The following DHX34 variants were observed in gnomAD, a reference collection of about 807,000 sequenced individuals.
DHX34 encodes probable ATP-dependent RNA helicase DHX34.
Under a neutral mutation model 111.1 loss-of-function variants are expected in DHX34, and 96 were observed. The observed-to-expected ratio is 0.86, with a 90% CI of 0.73 to 1.02. The LOEUF is 1.02. Among genes scored for constraint, DHX34 ranks in the 50% least tolerant of loss-of-function variants. DHX34 has a pLI of 0.00. For missense variants in DHX34, 1,560 were observed against 1,579.9 expected (o/e 0.99, Z 0.21); for synonymous variants, 688 against 670.4 (o/e 1.03, Z -0.41).
At position 47,372,890 on chromosome 19, in the gene DHX34, C is replaced by T; in HGVS notation, c.1929C>T (p.Phe643=). Residue 643 remains phenylalanine, a synonymous_variant, in exon 8 of 17, where the codon TTC becomes TTT. Coordinates refer to ENST00000328771, the MANE Select transcript of DHX34 (RefSeq NM_014681.6). ...TGGAGAGCGACCAGGGTGACCCCTT[C>T]ACGCTCTTCAACGTCTTCAACGCCT... The part of the protein sequence containing the change: ...RPLESDQGDP[F]TLFNVFNAWV... 2.5e-6 allele frequency: 4 copies of T among 1,607,386 alleles called. No homozygotes were observed. The highest frequency in any genetic ancestry group is 1.1e-5 in the South Asian group (1 of 90,992).
chr19:47,377,237 C>T, intron 13 of DHX34, 31 bp downstream of exon 13: 1 of 1,596,734 alleles, frequency 6.3e-7, no homozygotes, highest in Non-Finnish European at 8.5e-7. Flanking sequence ...GCCCCCATGC[C>T]CAGATATGAG....
In DHX34 at chr19:47,357,075, G is replaced by A. The variant is rs566230467; in HGVS notation, c.1018-791G>A. ...ATACCTGAGCTCAAGCAATCCTCCC[G>A]CCTTGGCCTCCCAAAGAGCTAGGAT... On this transcript the variant is annotated intron_variant, in intron 3 of 16. Transcript: ENST00000328771. 9.2e-5 allele frequency among the ~76,000 whole-genome samples: 14 copies of A among 152,016 alleles called. No individual in the cohort carries two copies. The South Asian group carries it at 2.1e-3, about 23-fold the overall frequency.
intron 9 of DHX34, among the ~76,000 whole-genome samples, 175 bp downstream of exon 9, chr19:47,373,875 C>G (rs997062484): frequency 1.3e-5 from 2 of 152,102 alleles, no homozygotes; most frequent in Non-Finnish European, 1.5e-5. Flanking sequence ...GCAAAGGGAG[C>G]AGAAATCCAG....
chr19:47,363,473 C>T (rs1239511180), intron 6 of DHX34, among the ~76,000 whole-genome samples: 1 of 152,038 alleles, frequency 6.6e-6, no homozygotes, highest in Non-Finnish European at 1.5e-5. Flanking sequence ...TGAGGGGAAC[C>T]CATCCCTTCC....
At chr19:47,378,462 C>G (rs1478099014) in intron 13 of DHX34, among the ~76,000 whole-genome samples, 1 of 152,092 alleles carries the variant, frequency 6.6e-6, no homozygotes, top group Admixed American at 6.5e-5. Flanking sequence ...GGCCGAGGGA[C>G]AGAGGATTGG....
Position 47,380,909 on chromosome 19 carries a change from CT to C in DHX34, c.3077del (p.Leu1026ProfsTer131). 1 of 1,613,622 alleles carries C rather than the reference CT, an allele frequency of 6.2e-7. No homozygotes were observed. The highest frequency in any genetic ancestry group is 8.5e-7 in the Non-Finnish European group (1 of 1,179,732). On this transcript the variant is annotated frameshift_variant, in exon 15 of 17. Coordinates refer to ENST00000328771, the MANE Select transcript of DHX34 (RefSeq NM_014681.6). LOFTEE classifies it high-confidence loss of function. ...CCCAGCCACCCCCCATCTTCCTGGC[CT>C]CTTTGGCAGCTCCACCCTGTCCCCC... is the stretch of plus-strand genomic sequence containing the variant. ...TIPATPHLPG[L>X]FGSSTLSPHP...
rs1436051348 is a variant in DHX34 at position 47,353,862 on chromosome 19, A to G, written c.705+127A>G. On this transcript the variant is annotated intron_variant, in intron 2 of 16. Transcript: ENST00000328771. This position sits in a 1 kb window ranked among gnomAD's most constrained non-coding sequence, Gnocchi z 4.6. ...TGGACCCAGCGATGATTCTTCTAGA[A>G]CTTTATCCACAGAGTGGCTTGTCTG... 4.3e-6 allele frequency: 4 copies of G among 933,234 alleles called. No individual in the cohort carries two copies. The highest frequency in any genetic ancestry group is 6.2e-6 in the Non-Finnish European group (4 of 645,636). 57.8% of individuals were successfully genotyped at this position (933,234 alleles called of 1,614,324 possible). A position where few individuals can be genotyped will look rare whatever the true frequency, so the allele number is the denominator to read the frequency against.
chr19:47,354,879 C>G (rs1969402850), intron 2 of DHX34, 160 bp from the exon 3 acceptor site: 1 of 853,238 alleles, frequency 1.2e-6, no homozygotes, highest in Admixed American at 6.2e-5. Flanking sequence ...ATCTCGAACT[C>G]CCTACCTCAG....
chr19:47,362,417 G>A lies in DHX34; in HGVS notation c.1376-59G>A, dbSNP rs572752500. 1.2e-5 allele frequency: 18 copies of A among 1,445,612 alleles called. No homozygotes were observed. In the East Asian group the frequency reaches 1.3e-4, roughly 11 times the overall value. The allele number at this position is 1,445,612 out of a possible 1,614,324, so 89.5% of individuals were successfully genotyped here. A position where few individuals can be genotyped will look rare whatever the true frequency, so the allele number is the denominator to read the frequency against. On this transcript the variant is annotated intron_variant, in intron 5 of 16. Transcript: ENST00000328771. ...TTGGCGAGTGACAAGAGCCAGGCGC[G>A]TGGCCAGCTGCACGTGGCTGCCACA...
At chr19:47,368,661 C>G (rs1028514372) in intron 7 of DHX34, among the ~76,000 whole-genome samples, 1 of 146,236 alleles carries the variant, frequency 6.8e-6, no homozygotes, top group Non-Finnish European at 1.5e-5. Context: ...CACACACACA[C>G]ATACACACAC....
Position 47,353,073 on chromosome 19 carries a change from C to G in DHX34, c.43C>G (p.His15Asp), listed in dbSNP as rs1254413817. Residue 15 changes from histidine to aspartate, a missense_variant, in exon 2 of 17, where the codon CAC becomes GAC. Transcript: ENST00000328771. The surrounding 1 kb of genome is among the most constrained non-coding windows in gnomAD (Gnocchi z 4.6). ...RTREGRDRRD[H>D]HRAPSEEEAL... The stretch of plus-strand genomic sequence containing the variant: ...AAGGGAGGGCAGGGATCGCCGAGAC[C>G]ACCACCGGGCTCCCAGCGAGGAAGA... 1.2e-6 allele frequency: 2 copies of G among 1,613,920 alleles called. No individual in the cohort carries two copies. Among genetic ancestry groups the G allele is most frequent in the East Asian group, 2.2e-5 (1 of 44,874 alleles).
At chr19:47,380,389 C>G (rs1970314212) in intron 14 of DHX34, among the ~76,000 whole-genome samples, 1 of 151,930 alleles carries the variant, frequency 6.6e-6, no homozygotes, top group South Asian at 2.1e-4. Context: ...GCTCGTGGTT[C>G]TACTTCATGT....
At position 47,376,056 on chromosome 19, in the gene DHX34, GT is replaced by G. The variant is rs1568405740; in HGVS notation, c.2441del (p.Val814AlafsTer59). ...CCGGGGCCTGTACCCACAGCTGGCC[GT>G]CCCCGACGCCTTCAACAGCAGCCGA... ...LGRGLYPQLAVPDAFNSSRKD... is the reference protein window; with the variant it reads ...LGRGLYPQLAXPDAFNSSRKD... On this transcript the variant is annotated frameshift_variant, in exon 11 of 17. Coordinates refer to ENST00000328771, the MANE Select transcript of DHX34 (RefSeq NM_014681.6). LOFTEE classifies it high-confidence loss of function. 6.3e-7 allele frequency: 1 copy of G among 1,582,840 alleles called. No homozygotes were observed. The highest frequency in any genetic ancestry group is 8.6e-7 in the Non-Finnish European group (1 of 1,166,542).
intron 1 of DHX34, among the ~76,000 whole-genome samples, chr19:47,352,412 A>C (rs1489604477): frequency 6.6e-6 from 1 of 152,218 alleles, no homozygotes; most frequent in Non-Finnish European, 1.5e-5. Flanking sequence ...ATGGTGGCTC[A>C]CACTGGTAAT....
chr19:47,364,282 G>C (rs1049231090), intron 6 of DHX34, among the ~76,000 whole-genome samples: 1 of 152,174 alleles, frequency 6.6e-6, no homozygotes, highest in Non-Finnish European at 1.5e-5. Flanking sequence ...AGGAGGCTGG[G>C]AAGTGTAGTC....
chr19:47,363,264 T>A lies in DHX34; in HGVS notation c.1593+571T>A, dbSNP rs188399788. Among the ~76,000 whole-genome samples, 217 of 152,154 alleles carry A rather than the reference T, an allele frequency of 1.4e-3. 1 individual carries two copies. The highest frequency in any genetic ancestry group is 0.011 in the Admixed American group (170 of 15,266). ...CCACCGCGCCCGGCCTAACTTTTTT[T>A]ATTTTTAGTAGAGATCAGGTCTTGC... is the stretch of plus-strand genomic sequence containing the variant. On this transcript the variant is annotated intron_variant, in intron 6 of 16. Transcript: ENST00000328771.
intron 1 of DHX34, among the ~76,000 whole-genome samples, chr19:47,351,826 A>C (rs1484337277): frequency 6.6e-6 from 1 of 152,156 alleles, no homozygotes; most frequent in African/African-American, 2.4e-5. Flanking sequence ...TTGCCTACCC[A>C]ATAGGGGTTC....
At chr19:47,351,869 TCGAGGAAGGGCTGTTG>T (rs1434673322) in intron 1 of DHX34, among the ~76,000 whole-genome samples, 141 of 152,136 alleles carry the variant, frequency 9.3e-4, no homozygotes, top group Non-Finnish European at 2.2e-4. Flanking sequence ...CCATGTAGAA[TCGAGGAAGGGCTGTTG>T]TCCAAAGGAA....
In DHX34 at chr19:47,369,156, A is replaced by C. The variant is rs541796155; in HGVS notation, c.1768+2001A>C. Among the ~76,000 whole-genome samples the C allele has an allele frequency of 2.1e-4, 32 of 151,684 alleles. No homozygotes were observed. In the South Asian group the frequency reaches 6.5e-3, roughly 31 times the overall value. On this transcript the variant is annotated intron_variant, in intron 7 of 16. Transcript: ENST00000328771. Reference sequence around the variant, plus strand: ...GCCTCCCAAAGTGCTGGGATTGCAGACTTGAGCCACCGTGCCCGGCCAGTA... The same window carrying C: ...GCCTCCCAAAGTGCTGGGATTGCAGCCTTGAGCCACCGTGCCCGGCCAGTA...
Sources: allele counts gnomAD v4.1 joint callset (sites outside exome capture counted in the v4.1 genomes callset), GRCh38; gene constraint gnomAD v4.1.1; non-coding constraint Gnocchi (gnomAD v3.1); transcripts MANE v1.5; gene names NCBI Gene and HGNC (gene_info 2026-07-23, HGNC 2026-07-21).